The following FAM227B variants were observed in gnomAD, a reference collection of about 807,000 sequenced individuals.
FAM227B encodes family with sequence similarity 227 member B.
In FAM227B, 88 loss-of-function variants were observed where a neutral mutation model predicts 73.8. That is an observed-to-expected ratio of 1.19 (90% CI 1.00 to 1.42). FAM227B has a LOEUF of 1.42. FAM227B is among the 40% of genes most tolerant of loss of function. The pLI is 0.00. For synonymous variants in FAM227B, 210 were observed against 190.5 expected, an observed-to-expected ratio of 1.10 and a Z score of -0.84; for missense variants, 632 against 590.9, an observed-to-expected ratio of 1.07 and a Z score of -0.72.
chr15:49,398,164 C>G (rs36191020), intron 11 of FAM227B, among the ~76,000 whole-genome samples: 1 of 151,688 alleles, frequency 6.6e-6, no homozygotes, highest in East Asian at 1.9e-4. Context: ...TCTACCAAGC[C>G]AATGGAAAAC....
At chr15:49,541,828 A>C in intron 9 of FAM227B, 22 bp from the exon 10 acceptor site, 6 of 1,342,786 alleles carry the variant, frequency 4.5e-6, no homozygotes, top group Non-Finnish European at 5.8e-6. Flanking sequence ...AAATCAAATT[A>C]GATTAATTTT....
intron 11 of FAM227B, among the ~76,000 whole-genome samples, chr15:49,421,535 C>G (rs1433945673): frequency 6.6e-6 from 1 of 152,188 alleles, no homozygotes; most frequent in Non-Finnish European, 1.5e-5. Flanking sequence ...GCACTAAGCA[C>G]TCTTTGCTAA....
At chr15:49,603,424 C>A (rs1002870429) in intron 3 of FAM227B, among the ~76,000 whole-genome samples, 3 of 151,938 alleles carry the variant, frequency 2.0e-5, no homozygotes, top group African/African-American at 7.2e-5. Context: ...TTTTTAATTT[C>A]TTTTTCAGAT....
At chr15:49,428,397 G>A (rs972440471) in intron 11 of FAM227B, among the ~76,000 whole-genome samples, 1 of 151,992 alleles carries the variant, frequency 6.6e-6, no homozygotes, top group Non-Finnish European at 1.5e-5. Context: ...AGAAGAAGAA[G>A]AGCATTGAGA....
chr15:49,613,371 T>G (rs1463119519), intron 2 of FAM227B, among the ~76,000 whole-genome samples: 1 of 151,830 alleles, frequency 6.6e-6, no homozygotes, highest in East Asian at 1.9e-4. Flanking sequence ...TACAAAAAAA[T>G]TAGCCAGGTG....
At chr15:49,418,712 A>G (rs1329976884) in intron 11 of FAM227B, among the ~76,000 whole-genome samples, 5 of 152,124 alleles carry the variant, frequency 3.3e-5, no homozygotes, top group Non-Finnish European at 7.4e-5. Context: ...GATAATCTGT[A>G]CACTGAACCC....
chr15:49,518,893 C>G (rs1567465979), intron 10 of FAM227B, among the ~76,000 whole-genome samples: 1 of 152,196 alleles, frequency 6.6e-6, no homozygotes, highest in African/African-American at 2.4e-5. Flanking sequence ...ACCATTAACT[C>G]AAAAGTCTAC....
chr15:49,589,542 T>TACACACAC (rs35391819), intron 4 of FAM227B, among the ~76,000 whole-genome samples: 2,625 of 139,780 alleles, frequency 0.019, 36 homozygotes, highest in Non-Finnish European at 0.024. Flanking sequence ...TTTATGAGAT[T>TACACACAC]ACACACACAC....
chr15:49,342,849 G>A (rs888365916), intron 13 of FAM227B, among the ~76,000 whole-genome samples: 2 of 152,106 alleles, frequency 1.3e-5, no homozygotes, highest in African/African-American at 2.4e-5. Context: ...GCTGAAAATA[G>A]GCCCCCAATC....
Position 49,592,441 on chromosome 15 carries a change from T to C in FAM227B, c.106-2434A>G, listed in dbSNP as rs1388824854. ...ATCAGGTCCCTCAACTGCAGGTCTGTTGGAGTTTGCTGGTGGTCCACTCCA... is the reference window on the plus strand; with the variant it reads ...ATCAGGTCCCTCAACTGCAGGTCTGCTGGAGTTTGCTGGTGGTCCACTCCA... On this transcript the variant is annotated intron_variant, in intron 3 of 15. Transcript: ENST00000299338. 3.3e-5 allele frequency among the ~76,000 whole-genome samples: 5 copies of C among 152,240 alleles called. No individual in the cohort carries two copies. In the East Asian group the frequency reaches 9.6e-4, roughly 29 times the overall value.
At chr15:49,397,171 C>A (rs994235524) in intron 11 of FAM227B, among the ~76,000 whole-genome samples, 11 of 152,096 alleles carry the variant, frequency 7.2e-5, no homozygotes, top group African/African-American at 1.9e-4. Context: ...TGGAGCTGAA[C>A]ACCAAGGCTT....
At chr15:49,549,322 TTTTA>T (rs71120694) in intron 9 of FAM227B, among the ~76,000 whole-genome samples, 11 of 147,700 alleles carry the variant, frequency 7.4e-5, no homozygotes, top group African/African-American at 2.8e-4. Flanking sequence ...TGCATATGTA[TTTTA>T]TTTATTTATT....
chr15:49,450,438 AT>A (rs1234824536), intron 11 of FAM227B, among the ~76,000 whole-genome samples: 1 of 151,950 alleles, frequency 6.6e-6, no homozygotes, highest in Non-Finnish European at 1.5e-5. Context: ...CCTGAATGCC[AT>A]TTTTTAAGCC....
intron 11 of FAM227B, among the ~76,000 whole-genome samples, chr15:49,501,025 T>C (rs1425496154): frequency 1.3e-5 from 2 of 152,218 alleles, no homozygotes; most frequent in South Asian, 2.1e-4. Context: ...GTGCTTCCTG[T>C]AGAGCATCCA....
At chr15:49,343,206 G>T (rs888249604) in intron 13 of FAM227B, among the ~76,000 whole-genome samples, 3 of 152,000 alleles carry the variant, frequency 2.0e-5, no homozygotes, top group East Asian at 1.9e-4. Context: ...ATTTCTCAAA[G>T]ATTTTGTTTA....
chr15:49,454,830 C>T (rs570948342), intron 11 of FAM227B, among the ~76,000 whole-genome samples: 2 of 152,134 alleles, frequency 1.3e-5, no homozygotes, highest in East Asian at 1.9e-4. Context: ...AGGATGGTCT[C>T]GATCTCCTGA....
intron 11 of FAM227B, among the ~76,000 whole-genome samples, chr15:49,377,350 A>G (rs968527926): frequency 6.6e-6 from 1 of 152,224 alleles, no homozygotes; most frequent in Admixed American, 6.5e-5. Context: ...TCTTTGATAT[A>G]CTGATTTCCT....
At chr15:49,361,752 G>T (rs755930906) in intron 13 of FAM227B, among the ~76,000 whole-genome samples, 1 of 152,102 alleles carries the variant, frequency 6.6e-6, no homozygotes, top group African/African-American at 2.4e-5. Flanking sequence ...ATTCCTTTGG[G>T]TATATACTCA....
intron 13 of FAM227B, chr15:49,366,048 C>CT (rs1223795522): frequency 2.2e-5 from 18 of 815,306 alleles, no homozygotes; most frequent in Non-Finnish European, 3.3e-5. Flanking sequence ...GATATTCTTC[C>CT]TTTTTTTTCC....
Sources: allele counts gnomAD v4.1 joint callset (sites outside exome capture counted in the v4.1 genomes callset), GRCh38; gene constraint gnomAD v4.1.1; transcripts MANE v1.5; gene names NCBI Gene and HGNC (gene_info 2026-07-23, HGNC 2026-07-21).